The following DPP6 variants were observed in gnomAD, a reference collection of about 807,000 sequenced individuals.
DPP6 encodes the protein dipeptidyl peptidase like 6.
Under a neutral mutation model 122.6 loss-of-function variants are expected in DPP6, and 69 were observed. The observed-to-expected ratio is 0.56, with a 90% CI of 0.46 to 0.69. The LOEUF is 0.69. Among genes scored for constraint, DPP6 ranks in the 30% least tolerant of loss-of-function variants. DPP6 has a pLI of 0.00. For missense variants in DPP6, 928 were observed against 1,116.9 expected (o/e 0.83, Z 2.41); for synonymous variants, 418 against 433.1 (o/e 0.97, Z 0.43).
At chr7:154,613,310 T>C (rs1345310736) in intron 5 of DPP6, among the ~76,000 whole-genome samples, 2 of 152,136 alleles carry the variant, frequency 1.3e-5, no homozygotes, top group Non-Finnish European at 2.9e-5. Flanking sequence ...GGGTTGCAGA[T>C]GCTGTAAACC....
chr7:154,401,116 G>A (rs930271539), intron 1 of DPP6, among the ~76,000 whole-genome samples: 1 of 151,716 alleles, frequency 6.6e-6, no homozygotes, highest in Non-Finnish European at 1.5e-5. Flanking sequence ...AGAATCACTC[G>A]AACCTGGGAG....
intron 5 of DPP6, among the ~76,000 whole-genome samples, chr7:154,609,152 T>C (rs1833755308): frequency 6.6e-6 from 1 of 152,260 alleles, no homozygotes. Flanking sequence ...CATCTAGATA[T>C]TTCCCTTATT....
At chr7:154,580,254 C>T (rs1831974215) in intron 5 of DPP6, among the ~76,000 whole-genome samples, 1 of 151,544 alleles carries the variant, frequency 6.6e-6, no homozygotes, top group African/African-American at 2.4e-5. Context: ...TGCACACACA[C>T]ATTAACACAC....
intron 1 of DPP6, among the ~76,000 whole-genome samples, chr7:154,215,747 C>T (rs933356590): frequency 2.0e-5 from 3 of 151,942 alleles, no homozygotes; most frequent in Admixed American, 6.6e-5. Context: ...TGAGGAGATC[C>T]CCAAATAGTT....
intron 1 of DPP6, among the ~76,000 whole-genome samples, chr7:153,959,352 T>C (rs950352244): frequency 2.0e-5 from 3 of 152,144 alleles, no homozygotes; most frequent in Middle Eastern, 3.2e-3. Flanking sequence ...AAGTGTAGAA[T>C]CCCTCTAGGG....
At chr7:154,213,078 T>C (rs554175933) in intron 1 of DPP6, among the ~76,000 whole-genome samples, 2 of 152,264 alleles carry the variant, frequency 1.3e-5, no homozygotes, top group African/African-American at 4.8e-5. Context: ...CGAAGGGCTG[T>C]GTCCTCCACA....
intron 10 of DPP6, among the ~76,000 whole-genome samples, chr7:154,778,867 T>C (rs1365281846): frequency 7.3e-5 from 6 of 82,290 alleles, no homozygotes; most frequent in Admixed American, 1.2e-4. Context: ...TCCACAACCT[T>C]TACAACTTCC....
chr7:153,970,780 T>C (rs180913909), intron 1 of DPP6, among the ~76,000 whole-genome samples: 1 of 152,308 alleles, frequency 6.6e-6, no homozygotes, highest in Admixed American at 6.5e-5. Context: ...ACTTGCACTT[T>C]TATTGAAAAT....
At chr7:154,179,173 A>G (rs942774821) in intron 1 of DPP6, among the ~76,000 whole-genome samples, 2 of 152,210 alleles carry the variant, frequency 1.3e-5, no homozygotes, top group Non-Finnish European at 2.9e-5. Flanking sequence ...AGATGACCCC[A>G]GAGAGGAGGA....
chr7:154,740,197 G>T (rs768582487), intron 8 of DPP6, among the ~76,000 whole-genome samples: 1 of 151,986 alleles, frequency 6.6e-6, no homozygotes, highest in Non-Finnish European at 1.5e-5. Context: ...GCATTTCATT[G>T]TGAGATTAGG....
At chr7:154,517,344 G>A (rs1036446389) in intron 3 of DPP6, among the ~76,000 whole-genome samples, 12 of 152,104 alleles carry the variant, frequency 7.9e-5, no homozygotes, top group African/African-American at 2.9e-4. Context: ...GCTTGGAGAA[G>A]GAGAAGATCC....
chr7:154,853,665 TCTCCAGGCTCCGCACGTCTATCTAC>T, intron 16 of DPP6, 90 bp from the exon 17 acceptor site: 1 of 1,434,178 alleles, frequency 7.0e-7, no homozygotes, highest in East Asian at 2.3e-5. Flanking sequence ...GAATTCGGGT[TCTCCAGGCTCCGCACGTCTATCTAC>T]GTGGCATAAG....
In DPP6 at chr7:154,576,681, G is replaced by C. The variant is rs1831698693; in HGVS notation, c.627+9765G>C. Among the ~76,000 whole-genome samples the C allele has an allele frequency of 2.0e-5, 3 of 152,112 alleles. No individual in the cohort carries two copies. In the South Asian group the frequency reaches 6.2e-4, roughly 32 times the overall value. On this transcript the variant is annotated intron_variant, in intron 5 of 25. Transcript: ENST00000377770. ...ATGCAAGAGCGGTCTCAGCAGGCCG[G>C]GCACAGCCCCTGTGGATGGATGCGC...
At chr7:154,779,004 A>C in intron 10 of DPP6, among the ~76,000 whole-genome samples, 1 of 127,324 alleles carries the variant, frequency 7.9e-6, no homozygotes, top group African/African-American at 3.1e-5. Flanking sequence ...CACAACCTCC[A>C]CCACCAGCAC....
chr7:154,510,036 T>C (rs1237538223), intron 3 of DPP6, among the ~76,000 whole-genome samples: 1 of 152,208 alleles, frequency 6.6e-6, no homozygotes, highest in Non-Finnish European at 1.5e-5. Context: ...CACATGTCTG[T>C]GAATACGTTA....
chr7:153,916,308 G>A (rs540818600), intron 1 of DPP6, among the ~76,000 whole-genome samples: 2 of 150,730 alleles, frequency 1.3e-5, no homozygotes, highest in South Asian at 4.2e-4. Flanking sequence ...TGGAGAAAGT[G>A]GGGCCTGAAC....
intron 3 of DPP6, among the ~76,000 whole-genome samples, chr7:154,516,013 A>G (rs943588937): frequency 3.5e-4 from 53 of 152,326 alleles, no homozygotes; most frequent in African/African-American, 1.2e-3. Context: ...CATGGTATAC[A>G]TTACACCTAC....
intron 1 of DPP6, among the ~76,000 whole-genome samples, chr7:154,339,553 C>T (rs1263500601): frequency 6.6e-6 from 1 of 152,224 alleles, no homozygotes. Context: ...CTCATTTGAA[C>T]TCTGCACTAA....
chr7:153,867,034 G>A, the DPP6 span, among the ~76,000 whole-genome samples: 16 of 152,174 alleles, frequency 1.1e-4, no homozygotes, highest in African/African-American at 2.7e-4. Flanking sequence ...CCAGTACCAC[G>A]CTGTTTTTGT....
Sources: gnomAD v4.1 joint callset for allele counts (sites outside exome capture counted in the v4.1 genomes callset) on GRCh38, gnomAD v4.1.1 for gene constraint, MANE v1.5 for transcripts, NCBI Gene and HGNC (gene_info 2026-07-23, HGNC 2026-07-21) for gene names.